Variants in CTSS observed in about 807,000 individuals in gnomAD.
CTSS encodes cathepsin S.
Under a neutral mutation model 39.9 loss-of-function variants are expected in CTSS, and 15 were observed. The observed-to-expected ratio is 0.38, with a 90% CI of 0.25 to 0.58. CTSS has a LOEUF of 0.58. CTSS is among the 20% of genes least tolerant of loss of function. CTSS has a pLI of 0.70. For missense variants in CTSS, 250 were observed against 398.2 expected (o/e 0.63, Z 3.17); for synonymous variants, 126 against 138.2 (o/e 0.91, Z 0.62).
chr1:150,732,395 G>A lies in CTSS; in HGVS notation c.*651C>T, dbSNP rs1171707165. On this transcript the variant is annotated 3_prime_UTR_variant, in exon 8 of 8. Transcript: ENST00000368985. Reference sequence around the variant, plus strand: ...GTGGCAATGATAGAAATTTGAAATGGCAGATTTATTAAGTATTTTTAAGCC... The same window carrying A: ...GTGGCAATGATAGAAATTTGAAATGACAGATTTATTAAGTATTTTTAAGCC... The A allele has an allele frequency of 6.6e-6, 1 of 152,128 alleles. No individual in the cohort carries two copies. Among genetic ancestry groups the A allele is most frequent in the Non-Finnish European group, 1.5e-5 (1 of 68,016 alleles). The allele number at this position is 152,128 out of a possible 1,614,324, so 9.4% of individuals were successfully genotyped here.
At chr1:150,749,557 A>C (rs993904479) in intron 6 of CTSS, among the ~76,000 whole-genome samples, 3 of 144,152 alleles carry the variant, frequency 2.1e-5, no homozygotes, top group Admixed American at 6.9e-5. Flanking sequence ...GCCTCGCCTC[A>C]CCCCGCCCCG....
rs746649398 is a variant in CTSS at position 150,764,813 on chromosome 1, T to A, written c.-1-49A>T. Reference sequence around the variant, plus strand: ...GAAGTGTTGCTATTAGCTGCATATGTTGTGACCACATGTTTTCATAAGAGA... The same window carrying A: ...GAAGTGTTGCTATTAGCTGCATATGATGTGACCACATGTTTTCATAAGAGA... On this transcript the variant is annotated intron_variant, in intron 1 of 7. Transcript: ENST00000368985. The A allele has an allele frequency of 3.1e-6, 5 of 1,596,728 alleles. No individual in the cohort carries two copies. The Admixed American group carries it at 8.5e-5, about 27-fold the overall frequency.
intron 3 of CTSS, among the ~76,000 whole-genome samples, chr1:150,756,198 T>A (rs1339635524): frequency 6.6e-6 from 1 of 152,164 alleles, no homozygotes; most frequent in African/African-American, 2.4e-5. Flanking sequence ...TATCACTGCA[T>A]TTCGTCTCCA....
Position 150,751,824 on chromosome 1 carries a change from T to A in CTSS, c.584A>T (p.Asn195Ile). 1 of 1,614,168 alleles carries A rather than the reference T, an allele frequency of 6.2e-7. No homozygotes were observed. Among genetic ancestry groups the A allele is most frequent in the Non-Finnish European group, 8.5e-7 (1 of 1,180,024 alleles). ...MTTAFQYIID[N>I]KGIDSDASYP... is the part of the protein sequence containing the mutation. ...GGAAGCGTCTGAGTCGATGCCCTTG[T>A]TATCAATGATGTACTGGAAAGCCGT... Residue 195 changes from asparagine to isoleucine, a missense_variant, in exon 5 of 8, where the codon AAC becomes ATC. Transcript: ENST00000368985.
intron 7 of CTSS, among the ~76,000 whole-genome samples, chr1:150,735,713 C>A (rs182810965): frequency 6.6e-6 from 1 of 151,272 alleles, no homozygotes; most frequent in Non-Finnish European, 1.5e-5. Context: ...CTCAGCCTTA[C>A]AAGTAGCTAG....
chr1:150,746,719 C>A (rs1448761009), intron 7 of CTSS, among the ~76,000 whole-genome samples: 1 of 152,006 alleles, frequency 6.6e-6, no homozygotes, highest in East Asian at 1.9e-4. Context: ...GGAACACAAA[C>A]CAAGATATGA....
rs1439532320 is a variant in CTSS, at chr1:150,757,871, T to C, written c.236A>G (p.His79Arg). 1 of 1,613,740 alleles carries C rather than the reference T, an allele frequency of 6.2e-7. No individual in the cohort carries two copies. The highest frequency in any genetic ancestry group is 8.5e-7 in the Non-Finnish European group (1 of 1,179,764). The part of the protein sequence containing the change: ...GMHSYDLGMN[H>R]LGDMTSEEVM... The stretch of plus-strand genomic sequence containing the variant: ...TAATGTACCTACCATGTCTCCCAGG[T>C]GGTTCATGCCCAGATCGTATGAGTG... The change falls in exon 3 of 8, where the codon CAC becomes CGC. Residue 79 changes from histidine to arginine, a missense_variant. Coordinates refer to ENST00000368985, the MANE Select transcript of CTSS (RefSeq NM_004079.5).
intron 2 of CTSS, among the ~76,000 whole-genome samples, chr1:150,760,132 G>T (rs1276284230): frequency 6.6e-6 from 1 of 152,074 alleles, no homozygotes; most frequent in Non-Finnish European, 1.5e-5. Flanking sequence ...TTAAACAGAG[G>T]GATAGCATTC....
chr1:150,738,127 T>C (rs1652672718), intron 7 of CTSS, among the ~76,000 whole-genome samples: 1 of 152,184 alleles, frequency 6.6e-6, no homozygotes, highest in African/African-American at 2.4e-5. Context: ...TTTAAAAAGA[T>C]AATTCTGGTT....
chr1:150,763,703 A>G (rs760393638), intron 2 of CTSS, among the ~76,000 whole-genome samples: 5 of 152,378 alleles, frequency 3.3e-5, no homozygotes, highest in East Asian at 3.9e-4. Flanking sequence ...ACATAGTTAC[A>G]GGACTTAGTT....
At chr1:150,734,970 G>C (rs1409468526) in intron 7 of CTSS, among the ~76,000 whole-genome samples, 2 of 152,146 alleles carry the variant, frequency 1.3e-5, no homozygotes, top group Non-Finnish European at 2.9e-5. Flanking sequence ...ACAAATAAAA[G>C]TGTGAAATTG....
At chr1:150,751,540 G>A (rs1337111077) in intron 5 of CTSS, among the ~76,000 whole-genome samples, 3 of 152,078 alleles carry the variant, frequency 2.0e-5, no homozygotes, top group Non-Finnish European at 4.4e-5. Flanking sequence ...GAGCCACTAC[G>A]CCCAGTCATT....
In CTSS at chr1:150,747,888, C is replaced by A; in HGVS notation, c.794-9G>T. 2 of 1,564,798 alleles carry A rather than the reference C, an allele frequency of 1.3e-6. No individual in the cohort carries two copies. Among genetic ancestry groups the A allele is most frequent in the South Asian group, 1.1e-5 (1 of 89,248 alleles). On this transcript the variant is annotated splice_polypyrimidine_tract_variant and intron_variant, in intron 6 of 7. Coordinates refer to ENST00000368985, the MANE Select transcript of CTSS (RefSeq NM_004079.5). ...TGGTTCATAGTAGACACCTGAGAAT[C>A]AAATATGGGTGGGAAAAAAGAGTGA...
At chr1:150,750,200 G>A (rs1262132385) in intron 5 of CTSS, 29 bp from the exon 6 acceptor site, 1 of 1,560,394 alleles carries the variant, frequency 6.4e-7, no homozygotes, top group Non-Finnish European at 8.8e-7. Flanking sequence ...ATATGATGAA[G>A]TATACTTCAA....
At chr1:150,748,815 T>C (rs1557811464) in intron 6 of CTSS, among the ~76,000 whole-genome samples, 1 of 152,218 alleles carries the variant, frequency 6.6e-6, no homozygotes, top group Non-Finnish European at 1.5e-5. Context: ...TTGGTACCAT[T>C]TTCCCAAAAG....
chr1:150,741,231 C>T (rs1652750421), intron 7 of CTSS, among the ~76,000 whole-genome samples: 3 of 152,118 alleles, frequency 2.0e-5, no homozygotes, highest in African/African-American at 7.2e-5. Context: ...CTCCTGGCCT[C>T]AAGTGATCCT....
intron 6 of CTSS, among the ~76,000 whole-genome samples, chr1:150,749,459 C>A (rs1190778915): frequency 1.3e-5 from 2 of 152,146 alleles, no homozygotes; most frequent in African/African-American, 4.8e-5. Context: ...CCCTAACTCT[C>A]TTCTATTGTA....
intron 7 of CTSS, among the ~76,000 whole-genome samples, chr1:150,741,985 T>TC (rs1652777347): frequency 1.3e-5 from 2 of 151,934 alleles, no homozygotes; most frequent in Admixed American, 1.3e-4. Context: ...ATGCCTGTAA[T>TC]CCCAGCACTT....
intron 7 of CTSS, among the ~76,000 whole-genome samples, chr1:150,743,003 G>A (rs1313489057): frequency 2.6e-5 from 4 of 152,074 alleles, no homozygotes; most frequent in African/African-American, 9.7e-5. Context: ...ACAAGGAAGT[G>A]TGTCACTTAG....
Sources: gnomAD v4.1 joint callset for allele counts (sites outside exome capture counted in the v4.1 genomes callset) on GRCh38, gnomAD v4.1.1 for gene constraint, MANE v1.5 for transcripts, NCBI Gene and HGNC (gene_info 2026-07-23, HGNC 2026-07-21) for gene names.